The following KLHL7 variants were observed in gnomAD, a reference collection of about 807,000 sequenced individuals.
KLHL7 encodes the protein kelch like family member 7.
Under a neutral mutation model 67.4 loss-of-function variants are expected in KLHL7, and 44 were observed. The ratio of observed to expected loss-of-function variants is 0.65; its 90% CI spans 0.51 to 0.84. The LOEUF (loss-of-function observed/expected upper bound fraction) is 0.84. KLHL7 is among the 40% of genes least tolerant of loss of function. KLHL7 has a pLI of 0.00. For missense variants in KLHL7, 362 were observed against 718.1 expected (o/e 0.50, Z 5.67); for synonymous variants, 252 against 243.3 (o/e 1.04, Z -0.33).
At chr7:23,162,046 C>T (rs1355578963) in intron 7 of KLHL7, among the ~76,000 whole-genome samples, 2 of 152,208 alleles carry the variant, frequency 1.3e-5, no homozygotes, top group Non-Finnish European at 2.9e-5. Flanking sequence ...TGAGATCCAA[C>T]AATGACAATT....
At chr7:23,171,766 GT>G (rs1290322079) in intron 9 of KLHL7, among the ~76,000 whole-genome samples, 28 of 152,242 alleles carry the variant, frequency 1.8e-4, no homozygotes, top group African/African-American at 6.8e-4. Context: ...CTGCAGTGCA[GT>G]GGCGTGATCT....
chr7:23,149,317 T>C (rs28624974), intron 6 of KLHL7, among the ~76,000 whole-genome samples: 66,759 of 152,010 alleles, frequency 0.44, 16,587 homozygotes, highest in African/African-American at 0.69. Flanking sequence ...AAAGGCCCAT[T>C]AGTGAAAGAG....
Position 23,172,993 on chromosome 7 carries a change from G to C in KLHL7, c.1425G>C (p.Gly475=), listed in dbSNP as rs147958435. The C allele has an allele frequency of 2.7e-5, 44 of 1,613,746 alleles. No homozygotes were observed. In the African/African-American group the frequency reaches 4.8e-4, roughly 18 times the overall value. The change falls in exon 10 of 11, where the codon GGG becomes GGC. Residue 475 remains glycine, a synonymous_variant. Transcript: ENST00000339077. The part of the protein sequence containing the change: ...CPMIEARKNH[G]LVFVKDKIFA... ...TGATTGAAGCCAGGAAGAATCATGG[G>C]CTGGTATTTGTAAAAGACAAGATAT...
intron 7 of KLHL7, among the ~76,000 whole-genome samples, chr7:23,157,747 T>A (rs1784749480): frequency 6.6e-6 from 1 of 152,214 alleles, no homozygotes; most frequent in African/African-American, 2.4e-5. Flanking sequence ...CTCTTTGTGT[T>A]ATGTCACTGC....
At position 23,175,323 on chromosome 7, in the gene KLHL7, G is replaced by A. The variant is rs1785273027; in HGVS notation, c.*1025G>A. 1 of 453,768 alleles carries A rather than the reference G, an allele frequency of 2.2e-6. No individual in the cohort carries two copies. The highest frequency in any genetic ancestry group is 2.0e-5 in the African/African-American group (1 of 49,956). The allele number at this position is 453,768 out of a possible 1,614,324, so 28.1% of individuals were successfully genotyped here. A position where few individuals can be genotyped will look rare whatever the true frequency, so the allele number is the denominator to read the frequency against. ...AACCCAACTACTCATTTCCTTCCTAGTAATACTTTGCCTTTTTCACTGTGT... is the reference window on the plus strand; with the variant it reads ...AACCCAACTACTCATTTCCTTCCTAATAATACTTTGCCTTTTTCACTGTGT... On this transcript the variant is annotated 3_prime_UTR_variant, in exon 11 of 11. Coordinates refer to ENST00000339077, the MANE Select transcript of KLHL7 (RefSeq NM_001031710.3).
intron 4 of KLHL7, among the ~76,000 whole-genome samples, chr7:23,134,108 T>C (rs574951767): frequency 6.6e-6 from 1 of 152,342 alleles, no homozygotes; most frequent in South Asian, 2.1e-4. Flanking sequence ...GCTTTTATTA[T>C]GTTGAGGTAT....
chr7:23,146,790 C>T (rs1035644661), intron 6 of KLHL7, among the ~76,000 whole-genome samples: 1 of 151,870 alleles, frequency 6.6e-6, no homozygotes, highest in African/African-American at 2.4e-5. Context: ...TTTTTTCCCA[C>T]TGATTTGAAA....
At position 23,176,876 on chromosome 7, in the gene KLHL7, AG is replaced by A. The variant is rs1465023093; in HGVS notation, c.*2580del. On this transcript the variant is annotated 3_prime_UTR_variant, in exon 11 of 11. Coordinates refer to ENST00000339077, the MANE Select transcript of KLHL7 (RefSeq NM_001031710.3). ...GTAGTCCCAGCTACTCAGGAGGCTG[AG>A]GTAGGAGAATTGCTTGAACCTGGGA... 1 of 152,278 alleles carries A rather than the reference AG, an allele frequency of 6.6e-6. No homozygotes were observed. Among genetic ancestry groups the A allele is most frequent in the Non-Finnish European group, 1.5e-5 (1 of 68,172 alleles). 9.4% of individuals were successfully genotyped at this position (152,278 alleles called of 1,614,324 possible).
chr7:23,137,396 A>G (rs1161934706), intron 4 of KLHL7, among the ~76,000 whole-genome samples: 4 of 152,220 alleles, frequency 2.6e-5, no homozygotes, highest in African/African-American at 7.2e-5. Context: ...CTCAGACTTA[A>G]CAAGTCTTAT....
chr7:23,168,394 T>G (rs1489160197), intron 9 of KLHL7, among the ~76,000 whole-genome samples: 2 of 152,220 alleles, frequency 1.3e-5, no homozygotes, highest in Non-Finnish European at 1.5e-5. Context: ...AAATTTATCC[T>G]TAAGTAGAAA....
chr7:23,118,750 CTTTTT>C (rs763019318), intron 1 of KLHL7, among the ~76,000 whole-genome samples: 1 of 151,182 alleles, frequency 6.6e-6, no homozygotes. Context: ...ATTTCCTAGA[CTTTTT>C]TTTTAAGAGC....
intron 7 of KLHL7, among the ~76,000 whole-genome samples, 200 bp from the exon 8 acceptor site, chr7:23,165,498 C>T (rs1784976856): frequency 6.6e-6 from 1 of 152,128 alleles, no homozygotes; most frequent in Non-Finnish European, 1.5e-5. Flanking sequence ...ATGTGCCTGC[C>T]TTTTGCCCTC....
chr7:23,125,795 G>A (rs1482607441), intron 4 of KLHL7: 9 of 1,540,060 alleles, frequency 5.8e-6, no homozygotes, highest in Non-Finnish European at 7.9e-6. Flanking sequence ...GCCTTCCAGA[G>A]TGTGGTATGC....
intron 1 of KLHL7, among the ~76,000 whole-genome samples, chr7:23,119,212 C>T (rs1783226371): frequency 6.6e-6 from 1 of 152,056 alleles, no homozygotes; most frequent in African/African-American, 2.4e-5. Context: ...CAATATTGTT[C>T]CTTTTTTTTT....
chr7:23,166,577 A>G lies in KLHL7; in HGVS notation c.1177+639A>G, dbSNP rs1263997122. On this transcript the variant is annotated intron_variant, in intron 8 of 10. Transcript: ENST00000339077. ...TTCAAGTAATTTCTTTAGCTTAAAT[A>G]ATGGGCTAATAAAGAAAACTAGGGA... is the stretch of plus-strand genomic sequence containing the variant. Among the ~76,000 whole-genome samples the G allele has an allele frequency of 7.9e-5, 12 of 152,166 alleles. 1 individual carries two copies. The highest frequency in any genetic ancestry group is 5.9e-5 in the Non-Finnish European group (4 of 67,996).
chr7:23,156,700 G>A (rs1159735446), intron 7 of KLHL7, among the ~76,000 whole-genome samples: 2 of 152,146 alleles, frequency 1.3e-5, no homozygotes, highest in African/African-American at 2.4e-5. Context: ...AAATTACTAA[G>A]GCAGAAAACT....
At chr7:23,165,570 C>A in intron 7 of KLHL7, 128 bp from the exon 8 acceptor site, 1 of 1,125,510 alleles carries the variant, frequency 8.9e-7, no homozygotes, top group Non-Finnish European at 1.3e-6. Flanking sequence ...TAGTCTCAAG[C>A]CAAACATTTG....
chr7:23,129,853 T>G (rs1272399380), intron 4 of KLHL7: 1 of 155,056 alleles, frequency 6.4e-6, no homozygotes, highest in Non-Finnish European at 1.4e-5. Context: ...GAGAAATGAT[T>G]ATAACTAGTA....
intron 7 of KLHL7, among the ~76,000 whole-genome samples, chr7:23,154,374 A>ACAAG (rs1554291288): frequency 6.7e-6 from 1 of 149,652 alleles, no homozygotes; most frequent in African/African-American, 2.5e-5. Flanking sequence ...AAACAAACAA[A>ACAAG]AAAAGACTAT....
Sources: gnomAD v4.1 joint callset for allele counts (sites outside exome capture counted in the v4.1 genomes callset) on GRCh38, gnomAD v4.1.1 for gene constraint, MANE v1.5 for transcripts, NCBI Gene and HGNC (gene_info 2026-07-23, HGNC 2026-07-21) for gene names.